Variants in FCHSD2 observed in about 807,000 individuals in gnomAD.
FCHSD2 encodes the protein F-BAR and double SH3 domains protein 2.
Under a neutral mutation model 108.1 loss-of-function variants are expected in FCHSD2, and 38 were observed. That is an observed-to-expected ratio of 0.35 (90% CI 0.27 to 0.46). The LOEUF (loss-of-function observed/expected upper bound fraction) is 0.46, where lower values mean the gene tolerates loss of function less well. Among genes scored for constraint, FCHSD2 ranks in the 20% least tolerant of loss-of-function variants. The probability of loss-of-function intolerance (pLI) is 1.00; values close to 1 mark genes in which losing one functional copy is unlikely to be tolerated. For missense variants in FCHSD2, 751 were observed against 897.8 expected, an observed-to-expected ratio of 0.84 and a Z score of 2.09; for synonymous variants, 279 against 314.7, an observed-to-expected ratio of 0.89 and a Z score of 1.20.
chr11:72,891,381 A>G (rs925665953), intron 10 of FCHSD2, among the ~76,000 whole-genome samples: 2 of 152,232 alleles, frequency 1.3e-5, no homozygotes, highest in Non-Finnish European at 2.9e-5. Flanking sequence ...TTTCAGCTAG[A>G]TTATAACAAT....
In FCHSD2 at chr11:72,840,905, G is replaced by GTACT; in HGVS notation, c.2110_2111insAGTA (p.Pro704GlnfsTer3). 1 of 1,613,174 alleles carries GTACT rather than the reference G, an allele frequency of 6.2e-7. No individual in the cohort carries two copies. Among genetic ancestry groups the GTACT allele is most frequent in the Non-Finnish European group, 8.5e-7 (1 of 1,179,184 alleles). ...TCGCAGTTTGCCATATGAGGTCTCAGGAGTATGCCTTGATGCCTGTGAGAA... is the reference window on the plus strand; with the variant it reads ...TCGCAGTTTGCCATATGAGGTCTCAGTACTGAGTATGCCTTGATGCCTGTGAGAA... On this transcript the variant is annotated frameshift_variant, in exon 19 of 20. Transcript: ENST00000409418. LOFTEE classifies it high-confidence loss of function.
In FCHSD2 at chr11:72,843,240, G is replaced by C; in HGVS notation, c.1616C>G (p.Ser539Cys). 1 of 1,614,026 alleles carries C rather than the reference G, an allele frequency of 6.2e-7. No individual in the cohort carries two copies. The highest frequency in any genetic ancestry group is 8.5e-7 in the Non-Finnish European group (1 of 1,179,882). Reference sequence around the variant, plus strand: ...TGACCGACTGTCCAAAGCGGCCAGGGACTGCAGCATGCTCAGGAGGCTGTT... The same window carrying C: ...TGACCGACTGTCCAAAGCGGCCAGGCACTGCAGCATGCTCAGGAGGCTGTT... ...TSNSLLSMLQSLAALDSRSHT... is the reference protein window; with the variant it reads ...TSNSLLSMLQCLAALDSRSHT... The change falls in exon 16 of 20, where the codon TCC becomes TGC. Residue 539 changes from serine (S) to cysteine (C), a missense_variant. Ser to Cys is a moderately radical substitution (Grantham distance 112, BLOSUM62 -1). Transcript: ENST00000409418.
chr11:73,077,170 A>G (rs139843152), intron 3 of FCHSD2, among the ~76,000 whole-genome samples: 1 of 150,650 alleles, frequency 6.6e-6, no homozygotes, highest in East Asian at 1.9e-4. Flanking sequence ...CTACTTTCAC[A>G]TATGTTTGAA....
intron 13 of FCHSD2, among the ~76,000 whole-genome samples, chr11:72,866,992 A>G (rs1008915823): frequency 2.0e-5 from 3 of 152,222 alleles, no homozygotes; most frequent in Admixed American, 1.3e-4. Flanking sequence ...ATATTTAAGT[A>G]CCAACTATGT....
intron 2 of FCHSD2, among the ~76,000 whole-genome samples, chr11:73,106,623 C>T (rs1860351366): frequency 6.6e-6 from 1 of 151,538 alleles, no homozygotes; most frequent in South Asian, 2.1e-4. Flanking sequence ...TAAATAAATA[C>T]AGTAACATAA....
chr11:72,868,661 C>T (rs1397943467), intron 12 of FCHSD2, among the ~76,000 whole-genome samples: 2 of 151,810 alleles, frequency 1.3e-5, no homozygotes, highest in East Asian at 1.9e-4. Flanking sequence ...ACTACACTCC[C>T]GCCTGGGTGA....
At chr11:73,077,298 A>G (rs1313914877) in intron 3 of FCHSD2, among the ~76,000 whole-genome samples, 1 of 152,102 alleles carries the variant, frequency 6.6e-6, no homozygotes, top group Non-Finnish European at 1.5e-5. Flanking sequence ...TGGCAAATAA[A>G]CACATGAAAA....
chr11:72,840,752 C>T, intron 19 of FCHSD2, 125 bp downstream of exon 19: 1 of 683,886 alleles, frequency 1.5e-6, no homozygotes, highest in Non-Finnish European at 2.6e-6. Context: ...TTTACCTTCC[C>T]AAACCCAGTT....
intron 8 of FCHSD2, among the ~76,000 whole-genome samples, chr11:72,930,922 T>TAAG (rs997738853): frequency 2.0e-5 from 3 of 151,998 alleles, no homozygotes; most frequent in Non-Finnish European, 4.4e-5. Context: ...CATTTTAAAA[T>TAAG]ATCTTAAGAG....
chr11:72,888,810 C>T (rs1855253696), intron 11 of FCHSD2, among the ~76,000 whole-genome samples: 1 of 151,900 alleles, frequency 6.6e-6, no homozygotes, highest in Non-Finnish European at 1.5e-5. Flanking sequence ...TTGTAGACAC[C>T]GGGTTTTTTG....
At chr11:72,909,859 G>A (rs1269661768) in intron 9 of FCHSD2, among the ~76,000 whole-genome samples, 4 of 149,968 alleles carry the variant, frequency 2.7e-5, no homozygotes, top group Non-Finnish European at 4.4e-5. Flanking sequence ...TGGGAAGTGA[G>A]GAGTGCCTCT....
intron 3 of FCHSD2, among the ~76,000 whole-genome samples, chr11:73,038,170 G>T (rs1316243706): frequency 2.6e-5 from 4 of 152,066 alleles, no homozygotes; most frequent in African/African-American, 9.6e-5. Flanking sequence ...AAGGAGATCT[G>T]TCTCTATTAA....
intron 13 of FCHSD2, among the ~76,000 whole-genome samples, chr11:72,858,647 G>T (rs1057143499): frequency 1.3e-5 from 2 of 152,138 alleles, no homozygotes; most frequent in African/African-American, 4.8e-5. Flanking sequence ...GAGAGGATCA[G>T]GAAAAATAAC....
intron 3 of FCHSD2, among the ~76,000 whole-genome samples, chr11:73,026,442 A>G (rs765084733): frequency 1.3e-5 from 2 of 152,226 alleles, no homozygotes; most frequent in African/African-American, 2.4e-5. Flanking sequence ...ATTTTACATC[A>G]TATCTTATAA....
chr11:73,099,280 CA>C (rs144064911), intron 2 of FCHSD2, among the ~76,000 whole-genome samples: 23,364 of 152,090 alleles, frequency 0.15, 2,064 homozygotes, highest in South Asian at 0.21. Context: ...CAACACAAAA[CA>C]AAACAAAAAC....
chr11:72,951,257 T>G (rs1353575344), intron 8 of FCHSD2, among the ~76,000 whole-genome samples: 3 of 152,208 alleles, frequency 2.0e-5, no homozygotes, highest in Non-Finnish European at 4.4e-5. Context: ...GTGTAGGATA[T>G]TGCTGTAACA....
At chr11:73,049,820 G>T (rs1259480186) in intron 3 of FCHSD2, among the ~76,000 whole-genome samples, 1 of 151,556 alleles carries the variant, frequency 6.6e-6, no homozygotes, top group Non-Finnish European at 1.5e-5. Flanking sequence ...TTAAGGAGAG[G>T]ATAAAATTTT....
chr11:73,053,427 T>C (rs574604113), intron 3 of FCHSD2, among the ~76,000 whole-genome samples: 150 of 152,252 alleles, frequency 9.9e-4, no homozygotes, highest in African/African-American at 3.5e-3. Flanking sequence ...TTGCTTCACC[T>C]TGGAAAAAAG....
At chr11:72,887,926 A>G (rs1157543170) in intron 11 of FCHSD2, among the ~76,000 whole-genome samples, 1 of 152,236 alleles carries the variant, frequency 6.6e-6, no homozygotes, top group Non-Finnish European at 1.5e-5. Context: ...GTTAAGCAAC[A>G]TTACATAAGT....
Sources: allele counts gnomAD v4.1 joint callset (sites outside exome capture counted in the v4.1 genomes callset), GRCh38; gene constraint gnomAD v4.1.1; transcripts MANE v1.5; gene names NCBI Gene and HGNC (gene_info 2026-07-23, HGNC 2026-07-21).